Variants in ADGRG6 observed in about 807,000 individuals in gnomAD.
ADGRG6 encodes the protein adhesion G protein-coupled receptor G6, also known as G-protein coupled receptor 126.
ADGRG6 carries 84 observed loss-of-function variants against 142.4 expected under a neutral mutation model. The ratio of observed to expected loss-of-function variants is 0.59; its 90% confidence interval spans 0.49 to 0.71. The LOEUF is 0.71. ADGRG6 is among the 30% of genes least tolerant of loss of function. The pLI, the probability that ADGRG6 is intolerant of heterozygous loss-of-function variation, is 0.00. For missense variants in ADGRG6, 1,367 were observed against 1,466.6 expected (o/e 0.93, Z 1.11); for synonymous variants, 521 against 520.5 (o/e 1.00, Z -0.01).
rs748976078 is a variant in ADGRG6 at position 142,405,725 on chromosome 6, C to A, written c.2165C>A (p.Ser722Tyr). The change falls in exon 15 of 25, where the codon TCT becomes TAT. Residue 722 changes from serine to tyrosine, a missense_variant. Coordinates refer to ENST00000367609, the MANE Select transcript of ADGRG6 (RefSeq NM_198569.3). ...AGTGGACAAGTGGATCCACTGGCAT[C>A]TGTAATTTTGCCTCCAAACTTACTT... is the stretch of plus-strand genomic sequence containing the variant. ...FESGQVDPLA[S>Y]VILPPNLLEN... The A allele has an allele frequency of 3.7e-6, 6 of 1,607,532 alleles. No individual in the cohort carries two copies. The South Asian group carries it at 5.5e-5, about 15-fold the overall frequency.
intron 5 of ADGRG6, among the ~76,000 whole-genome samples, chr6:142,383,524 A>G (rs764894492): frequency 1.3e-5 from 2 of 152,056 alleles, no homozygotes; most frequent in South Asian, 2.1e-4. Context: ...TCTCATCACT[A>G]TGTGCTTGCT....
intron 4 of ADGRG6, among the ~76,000 whole-genome samples, chr6:142,379,021 C>G (rs1781626344): frequency 6.6e-6 from 1 of 152,174 alleles, no homozygotes; most frequent in Non-Finnish European, 1.5e-5. Context: ...TGATCCCAAA[C>G]ACTCTATAGC....
rs1774985817 is a variant in ADGRG6 at position 142,393,097 on chromosome 6, A to T, written c.1361+97A>T. ...TGTACCAAAATATACATACAAATAC[A>T]CACACATAGCTACTATATACATAAT... On this transcript the variant is annotated intron_variant, in intron 8 of 24. Transcript: ENST00000367609. 4.4e-6 allele frequency: 3 copies of T among 677,346 alleles called. No homozygotes were observed. In the Admixed American group the frequency reaches 7.4e-5, roughly 17 times the overall value. 42.0% of individuals were successfully genotyped at this position (677,346 alleles called of 1,614,324 possible).
Position 142,402,711 on chromosome 6 carries a change from G to A in ADGRG6, c.1836G>A (p.Gln612=), listed in dbSNP as rs996829861. The A allele has an allele frequency of 5.0e-6, 8 of 1,605,420 alleles. No individual in the cohort carries two copies. The Admixed American group carries it at 1.3e-4, about 27-fold the overall frequency. ...TSANITNIVE[Q]VKRIVNKEEN... is the part of the protein sequence containing the mutation. Reference sequence around the variant, plus strand: ...CCAATATTACCAACATTGTGGAACAGGTCAAAAGAATTGTGAATAAAGAAG... The same window carrying A: ...CCAATATTACCAACATTGTGGAACAAGTCAAAAGAATTGTGAATAAAGAAG... The change falls in exon 13 of 25, where the codon CAG becomes CAA. Residue 612 remains glutamine (Q), a synonymous_variant. Coordinates refer to ENST00000367609, the MANE Select transcript of ADGRG6 (RefSeq NM_198569.3).
intron 22 of ADGRG6, among the ~76,000 whole-genome samples, chr6:142,435,818 T>C (rs968193834): frequency 2.0e-5 from 3 of 152,110 alleles, no homozygotes; most frequent in Admixed American, 2.0e-4. Context: ...GACTAAAGGT[T>C]AAAATTAAAA....
At chr6:142,315,785 C>G (rs992888068) in intron 2 of ADGRG6, among the ~76,000 whole-genome samples, 6 of 151,508 alleles carry the variant, frequency 4.0e-5, no homozygotes, top group African/African-American at 1.5e-4. Flanking sequence ...GAGCCGAGAT[C>G]GTGCTGTTGC....
chr6:142,374,970 A>C (rs1307271884), intron 4 of ADGRG6, among the ~76,000 whole-genome samples: 1 of 152,180 alleles, frequency 6.6e-6, no homozygotes, highest in Non-Finnish European at 1.5e-5. Context: ...ATTGTTATTA[A>C]CAATAATCAT....
At chr6:142,371,257 G>T (rs1163395063) in intron 4 of ADGRG6, among the ~76,000 whole-genome samples, 1 of 151,046 alleles carries the variant, frequency 6.6e-6, no homozygotes, top group Non-Finnish European at 1.5e-5. Context: ...CTACCTCCTG[G>T]GTTTAAGAAA....
chr6:142,379,458 C>A (rs968417819), intron 4 of ADGRG6, among the ~76,000 whole-genome samples: 1 of 152,080 alleles, frequency 6.6e-6, no homozygotes, highest in African/African-American at 2.4e-5. Context: ...CCTCATTTTC[C>A]CTCACTGCCT....
intron 2 of ADGRG6, among the ~76,000 whole-genome samples, chr6:142,320,769 A>G (rs1286624060): frequency 2.6e-5 from 4 of 152,030 alleles, no homozygotes; most frequent in African/African-American, 9.7e-5. Flanking sequence ...TTGTATATTC[A>G]TTGCATAAGT....
intron 4 of ADGRG6, among the ~76,000 whole-genome samples, chr6:142,372,311 C>T (rs1459140899): frequency 6.6e-6 from 1 of 152,110 alleles, no homozygotes; most frequent in African/African-American, 2.4e-5. Context: ...ACATAACTCT[C>T]AATTAAAAAG....
intron 17 of ADGRG6, 85 bp from the exon 18 acceptor site, chr6:142,411,220 G>A (rs1210989681): frequency 2.6e-6 from 2 of 763,258 alleles, no homozygotes; most frequent in Admixed American, 1.8e-5. Flanking sequence ...AGAGACTGAG[G>A]CAAATTTCTC....
In ADGRG6 at chr6:142,392,980, G is replaced by T. The variant is rs117541893; in HGVS notation, c.1341G>T (p.Thr447=). Residue 447 remains threonine, a synonymous_variant, in exon 8 of 25, where the codon ACG becomes ACT. Transcript: ENST00000367609. ...LNSTFQNWNY[T]VYVVNISFHL... ...CAACCTTCCAAAATTGGAACTACAC[G>T]GTTTATGTCGTTAATATCAGGTAAG... 8 of 1,582,634 alleles carry T rather than the reference G, an allele frequency of 5.1e-6. No homozygotes were observed. The highest frequency in any genetic ancestry group is 6.9e-6 in the Non-Finnish European group (8 of 1,152,292).
In ADGRG6 at chr6:142,302,172, A is replaced by G; in HGVS notation, c.-158A>G. The G allele has an allele frequency of 1.4e-6, 1 of 703,986 alleles. No individual in the cohort carries two copies. The highest frequency in any genetic ancestry group is 2.3e-5 in the South Asian group (1 of 43,892). 43.6% of individuals were successfully genotyped at this position (703,986 alleles called of 1,614,324 possible). ...AGGGTTCACCTTGCGCCGTCGGGAA[A>G]GCCCATGAACTCTCCAGAAACGGCG... On this transcript the variant is annotated 5_prime_UTR_variant, in exon 1 of 25. Coordinates refer to ENST00000367609, the MANE Select transcript of ADGRG6 (RefSeq NM_198569.3).
chr6:142,357,394 T>A (rs1240312434), intron 2 of ADGRG6, among the ~76,000 whole-genome samples: 1 of 152,144 alleles, frequency 6.6e-6, no homozygotes, highest in Non-Finnish European at 1.5e-5. Context: ...AAGCTGTTCA[T>A]GTAAAAATGG....
chr6:142,302,012 C>G lies in ADGRG6; in HGVS notation c.-318C>G. ...GACGCGCACCCCTGCCTGGCCCGGT[C>G]TCCTCAGCACCAGCCCCACGCACAC... On this transcript the variant is annotated 5_prime_UTR_variant, in exon 1 of 25. Coordinates refer to ENST00000367609, the MANE Select transcript of ADGRG6 (RefSeq NM_198569.3). 2.4e-6 allele frequency: 1 copy of G among 410,248 alleles called. No homozygotes were observed. Among genetic ancestry groups the G allele is most frequent in the Non-Finnish European group, 4.3e-6 (1 of 233,226 alleles). The allele number at this position is 410,248 out of a possible 1,614,324, so 25.4% of individuals were successfully genotyped here.
intron 4 of ADGRG6, among the ~76,000 whole-genome samples, chr6:142,377,616 C>T (rs933011390): frequency 6.6e-6 from 1 of 152,218 alleles, no homozygotes; most frequent in African/African-American, 2.4e-5. Flanking sequence ...TCAGTGAACA[C>T]ATACACATCA....
intron 2 of ADGRG6, among the ~76,000 whole-genome samples, chr6:142,339,552 C>T (rs2114710933): frequency 6.6e-6 from 1 of 152,126 alleles, no homozygotes; most frequent in East Asian, 1.9e-4. Flanking sequence ...CTGGATTTGA[C>T]ATTGTATGTT....
chr6:142,302,907 G>A (rs543965245), intron 1 of ADGRG6, among the ~76,000 whole-genome samples: 10 of 152,302 alleles, frequency 6.6e-5, no homozygotes, highest in African/African-American at 2.2e-4. Context: ...TTACGTGATA[G>A]GATTTGAGGG....
Sources: gnomAD v4.1 joint callset for allele counts (sites outside exome capture counted in the v4.1 genomes callset) on GRCh38, gnomAD v4.1.1 for gene constraint, MANE v1.5 for transcripts, NCBI Gene and HGNC (gene_info 2026-07-23, HGNC 2026-07-21) for gene names.